ZNF469: variants seen among roughly 807,000 people sequenced by gnomAD.
ZNF469 encodes the protein zinc finger protein 469.
ZNF469 carries 1 observed loss-of-function variant against 1.0 expected under a neutral mutation model. The ratio of observed to expected loss-of-function variants is 1.00; its 90% CI spans 0.35 to 4.73. The LOEUF is 4.73. Ranked by LOEUF, ZNF469 falls within the 30% of genes most tolerant of loss-of-function variation. The pLI is 0.16. For synonymous variants in ZNF469, 2,703 were observed against 2,363.4 expected (o/e 1.14, Z -4.17); for missense variants, 6,100 against 5,356.3 (o/e 1.14, Z -4.33).
chr16:88,417,566 G>A (rs1393586848), intron 1 of ZNF469, among the ~76,000 whole-genome samples: 1 of 152,176 alleles, frequency 6.6e-6, no homozygotes, highest in Non-Finnish European at 1.5e-5. Context: ...TGCCTGGCGG[G>A]GCGGCCCCCA....
At chr16:88,288,922 G>C in the ZNF469 span, among the ~76,000 whole-genome samples, 1 of 152,174 alleles carries the variant, frequency 6.6e-6, no homozygotes, top group African/African-American at 2.4e-5. Context: ...TAATGACAAA[G>C]AGCATAAAGC....
the ZNF469 span, among the ~76,000 whole-genome samples, chr16:88,148,696 C>G: frequency 1.6e-4 from 25 of 152,170 alleles, no homozygotes; most frequent in African/African-American, 6.0e-4. Flanking sequence ...CTTGGCAACC[C>G]TGTCTCAGGC....
the ZNF469 span, among the ~76,000 whole-genome samples, chr16:88,361,462 A>G: frequency 6.6e-6 from 1 of 152,218 alleles, no homozygotes; most frequent in African/African-American, 2.4e-5. Context: ...GAAACTTCGC[A>G]TTTCCCAGAA....
chr16:88,286,276 G>A, the ZNF469 span, among the ~76,000 whole-genome samples: 1 of 152,236 alleles, frequency 6.6e-6, no homozygotes, highest in African/African-American at 2.4e-5. Flanking sequence ...GGCCTCAGCG[G>A]CAGCTAACTG....
At chr16:88,375,283 C>T in the ZNF469 span, among the ~76,000 whole-genome samples, 1 of 152,244 alleles carries the variant, frequency 6.6e-6, no homozygotes, top group African/African-American at 2.4e-5. Context: ...CACCATTCAT[C>T]TCTCTCAGCA....
chr16:88,401,189 G>A (rs1168122053), intron 1 of ZNF469, among the ~76,000 whole-genome samples: 1 of 152,220 alleles, frequency 6.6e-6, no homozygotes, highest in Non-Finnish European at 1.5e-5. Context: ...ATGCAAGAGA[G>A]GGGCAACTTA....
chr16:88,108,876 G>A, the ZNF469 span, among the ~76,000 whole-genome samples: 2 of 152,160 alleles, frequency 1.3e-5, no homozygotes, highest in Non-Finnish European at 2.9e-5. Context: ...GAGGCCTCGG[G>A]CCACCAGCCC....
the ZNF469 span, among the ~76,000 whole-genome samples, chr16:88,145,709 A>G: frequency 6.6e-6 from 1 of 152,312 alleles, no homozygotes; most frequent in Non-Finnish European, 1.5e-5. Context: ...TCCCGATCCC[A>G]GGGGGCCTCT....
At chr16:88,406,163 G>T (rs1386544608) in intron 1 of ZNF469, among the ~76,000 whole-genome samples, 2 of 152,222 alleles carry the variant, frequency 1.3e-5, no homozygotes, top group Non-Finnish European at 1.5e-5. Flanking sequence ...CCAAAGGTGG[G>T]ACTGCCCAGG....
chr16:88,117,312 A>G, the ZNF469 span, among the ~76,000 whole-genome samples: 1 of 152,198 alleles, frequency 6.6e-6, no homozygotes, highest in Non-Finnish European at 1.5e-5. Context: ...GCCAGGACAG[A>G]TGCGTGTGGC....
chr16:88,363,891 G>A, the ZNF469 span, among the ~76,000 whole-genome samples: 2 of 152,208 alleles, frequency 1.3e-5, no homozygotes, highest in African/African-American at 4.8e-5. Context: ...AGGCTGGTCT[G>A]GAAGGGGCTA....
the ZNF469 span, among the ~76,000 whole-genome samples, chr16:88,283,918 G>A: frequency 1.6e-3 from 210 of 129,590 alleles, 4 homozygotes; most frequent in African/African-American, 6.1e-3. Flanking sequence ...GACCCCCAGT[G>A]TGCCCGAGGT....
At chr16:88,126,167 T>G in the ZNF469 span, among the ~76,000 whole-genome samples, 1 of 126,570 alleles carries the variant, frequency 7.9e-6, no homozygotes, top group Non-Finnish European at 1.6e-5. Flanking sequence ...CCAGCCTGGG[T>G]GACAGAGTGA....
At chr16:88,282,605 T>C in the ZNF469 span, among the ~76,000 whole-genome samples, 3 of 152,096 alleles carry the variant, frequency 2.0e-5, no homozygotes, top group Non-Finnish European at 4.4e-5. Flanking sequence ...GTCGCCAGAC[T>C]CCTCCACACA....
chr16:88,137,319 G>A, the ZNF469 span, among the ~76,000 whole-genome samples: 2 of 152,212 alleles, frequency 1.3e-5, no homozygotes, highest in Admixed American at 6.5e-5. Flanking sequence ...CACCAAGCCT[G>A]TGTACAGCTA....
chr16:88,220,489 C>A, the ZNF469 span, among the ~76,000 whole-genome samples: 1 of 152,184 alleles, frequency 6.6e-6, no homozygotes, highest in South Asian at 2.1e-4. Context: ...AGCCAGGTGA[C>A]AGAATGCCAC....
the ZNF469 span, among the ~76,000 whole-genome samples, chr16:88,307,416 C>G: frequency 1.3e-5 from 2 of 152,228 alleles, no homozygotes; most frequent in Non-Finnish European, 2.9e-5. Flanking sequence ...GAGGACTGGC[C>G]AAACTGTTTT....
chr16:88,429,053 C>T lies in ZNF469; in HGVS notation c.1583C>T (p.Pro528Leu), dbSNP rs1289402469. The T allele has an allele frequency of 2.6e-6, 4 of 1,549,926 alleles. No individual in the cohort carries two copies. The highest frequency in any genetic ancestry group is 1.2e-5 in the South Asian group (1 of 84,066). The part of the protein sequence containing the change: ...QGALGTAGKT[P>L]GPREKLPAVR... ...GCCCTGGGCACTGCTGGCAAGACAC[C>T]GGGACCCAGAGAGAAGCTGCCAGCC... The change falls in exon 3 of 3, where the codon CCG becomes CTG. Residue 528 changes from proline (P) to leucine (L), a missense_variant. Pro to Leu is a moderately conservative substitution (Grantham distance 98). Coordinates refer to ENST00000565624, the MANE Select transcript of ZNF469 (RefSeq NM_001367624.2).
the ZNF469 span, among the ~76,000 whole-genome samples, chr16:88,337,810 A>T: frequency 6.6e-6 from 1 of 152,156 alleles, no homozygotes; most frequent in African/African-American, 2.4e-5. Context: ...ACTCAGATAC[A>T]CGGCCTCTGC....
Sources: gnomAD v4.1 joint callset for allele counts (sites outside exome capture counted in the v4.1 genomes callset) on GRCh38, gnomAD v4.1.1 for gene constraint, MANE v1.5 for transcripts, NCBI Gene and HGNC (gene_info 2026-07-23, HGNC 2026-07-21) for gene names.